TLL1: variants seen among roughly 807,000 people sequenced by gnomAD.
TLL1 encodes the protein tolloid-like protein 1.
In TLL1, 49 loss-of-function variants were observed where a neutral mutation model predicts 128.2. That is an observed-to-expected ratio of 0.38 (90% confidence interval 0.30 to 0.48). The LOEUF is 0.48. Ranked by LOEUF, TLL1 falls within the 20% of genes least tolerant of loss-of-function variation. TLL1 has a pLI of 0.96. For synonymous variants in TLL1, 454 were observed against 418.8 expected (o/e 1.08, Z -1.03); for missense variants, 1,123 against 1,242.0 (o/e 0.90, Z 1.44).
chr4:166,048,159 C>T (rs1739544445), intron 12 of TLL1, among the ~76,000 whole-genome samples: 2 of 150,176 alleles, frequency 1.3e-5, no homozygotes, highest in African/African-American at 4.9e-5. Flanking sequence ...TCGCTTGAAC[C>T]TGGGAGGCAG....
At chr4:166,084,100 T>A (rs1226412643) in intron 18 of TLL1, among the ~76,000 whole-genome samples, 1 of 152,176 alleles carries the variant, frequency 6.6e-6, no homozygotes, top group Non-Finnish European at 1.5e-5. Context: ...TGGGGTGATA[T>A]CTCATTTTGG....
intron 9 of TLL1, among the ~76,000 whole-genome samples, chr4:166,039,106 C>T (rs1739129607): frequency 6.6e-6 from 1 of 151,942 alleles, no homozygotes; most frequent in Non-Finnish European, 1.5e-5. Flanking sequence ...CTAGTTTGTT[C>T]AACTACTCAT....
chr4:165,901,333 G>A (rs754711809), intron 1 of TLL1, among the ~76,000 whole-genome samples: 4 of 151,980 alleles, frequency 2.6e-5, no homozygotes, highest in Non-Finnish European at 4.4e-5. Flanking sequence ...TCTTGTTTTG[G>A]GAATTTTCAA....
intron 15 of TLL1, among the ~76,000 whole-genome samples, chr4:166,064,203 A>AG (rs1740472643): frequency 1.3e-5 from 2 of 151,960 alleles, no homozygotes. Flanking sequence ...ATTTTTAGAG[A>AG]GGTTTTTCTT....
chr4:165,931,721 A>AAAAAAAAAAAAAAAAG, intron 1 of TLL1, among the ~76,000 whole-genome samples: 1 of 151,652 alleles, frequency 6.6e-6, no homozygotes, highest in Admixed American at 6.6e-5. Context: ...TCTGTCTCAA[A>AAAAAAAAAAAAAAAAG]AGAAAAAAAA....
At chr4:165,938,956 C>T (rs180763857) in intron 1 of TLL1, among the ~76,000 whole-genome samples, 3 of 151,902 alleles carry the variant, frequency 2.0e-5, no homozygotes, top group East Asian at 1.9e-4. Context: ...ATTATGATTT[C>T]CTGGAAGATT....
At chr4:165,925,857 A>G (rs1204802758) in intron 1 of TLL1, among the ~76,000 whole-genome samples, 2 of 152,242 alleles carry the variant, frequency 1.3e-5, no homozygotes, top group South Asian at 2.1e-4. Flanking sequence ...ACACTGATGC[A>G]GGACCCTCCA....
intron 12 of TLL1, among the ~76,000 whole-genome samples, chr4:166,049,816 T>A (rs1426061397): frequency 6.6e-6 from 1 of 151,792 alleles, no homozygotes; most frequent in African/African-American, 2.4e-5. Flanking sequence ...ATTATAAAAA[T>A]TATTTTTAAT....
intron 1 of TLL1, among the ~76,000 whole-genome samples, chr4:165,895,250 C>G (rs1049377782): frequency 6.6e-6 from 1 of 152,056 alleles, no homozygotes; most frequent in African/African-American, 2.4e-5. Flanking sequence ...ATGTGGAAAT[C>G]CAATGGAATT....
At chr4:165,890,621 A>C (rs999962311) in intron 1 of TLL1, among the ~76,000 whole-genome samples, 9 of 152,228 alleles carry the variant, frequency 5.9e-5, no homozygotes, top group Non-Finnish European at 1.2e-4. Flanking sequence ...CCTGTCTCAC[A>C]TCCAAATCAC....
At position 166,077,775 on chromosome 4, in the gene TLL1, C is replaced by T. The variant is rs544957101; in HGVS notation, c.2315-128C>T. On this transcript the variant is annotated intron_variant, in intron 17 of 20. Transcript: ENST00000061240. ...GAGCAGATGAATATAATAACCGACA[C>T]GGGAGTGAAAATTAGCTGGTATTCA... is the stretch of plus-strand genomic sequence containing the variant. 59 of 1,240,274 alleles carry T rather than the reference C, an allele frequency of 4.8e-5. No homozygotes were observed. The African/African-American group carries it at 5.2e-4, about 11-fold the overall frequency. 76.8% of individuals were successfully genotyped at this position (1,240,274 alleles called of 1,614,324 possible).
chr4:166,076,243 C>T (rs1579712178), intron 17 of TLL1, among the ~76,000 whole-genome samples: 1 of 151,912 alleles, frequency 6.6e-6, no homozygotes, highest in Non-Finnish European at 1.5e-5. Flanking sequence ...TGGCTAATTT[C>T]TGTATTTTTT....
chr4:165,894,411 T>C (rs74598180), intron 1 of TLL1, among the ~76,000 whole-genome samples: 4,296 of 152,252 alleles, frequency 0.028, 182 homozygotes, highest in African/African-American at 0.097. Context: ...AACTGGTACT[T>C]AACGGAGTAA....
intron 9 of TLL1, among the ~76,000 whole-genome samples, chr4:166,032,662 T>C (rs1247721447): frequency 1.3e-5 from 2 of 152,168 alleles, no homozygotes; most frequent in African/African-American, 4.8e-5. Context: ...CTACTTCATA[T>C]TGCATAGTTT....
At chr4:165,976,947 TAG>T (rs1231317579) in intron 1 of TLL1, among the ~76,000 whole-genome samples, 1 of 152,116 alleles carries the variant, frequency 6.6e-6, no homozygotes, top group East Asian at 1.9e-4. Flanking sequence ...CATCTATAGT[TAG>T]TGTTAGCGTA....
intron 1 of TLL1, among the ~76,000 whole-genome samples, chr4:165,979,173 A>G (rs1736025103): frequency 6.6e-6 from 1 of 152,140 alleles, no homozygotes; most frequent in African/African-American, 2.4e-5. Flanking sequence ...CCTATGACCC[A>G]CTGATTGACT....
intron 1 of TLL1, among the ~76,000 whole-genome samples, chr4:165,948,587 A>G (rs1161373338): frequency 6.6e-6 from 1 of 152,160 alleles, no homozygotes; most frequent in African/African-American, 2.4e-5. Flanking sequence ...CTGCAGAGTC[A>G]CAGGCAGTGC....
At chr4:165,902,336 C>T (rs1040541739) in intron 1 of TLL1, among the ~76,000 whole-genome samples, 2 of 152,146 alleles carry the variant, frequency 1.3e-5, no homozygotes, top group Admixed American at 1.3e-4. Context: ...AAACAAAAAA[C>T]CTCCTGCAGC....
intron 1 of TLL1, among the ~76,000 whole-genome samples, chr4:165,935,198 CTTGT>C (rs961401415): frequency 3.3e-5 from 5 of 152,206 alleles, no homozygotes; most frequent in African/African-American, 1.2e-4. Flanking sequence ...AAAATTTAGA[CTTGT>C]TTAAGATCAG....
Sources: gnomAD v4.1 joint callset for allele counts (sites outside exome capture counted in the v4.1 genomes callset) on GRCh38, gnomAD v4.1.1 for gene constraint, MANE v1.5 for transcripts, NCBI Gene and HGNC (gene_info 2026-07-23, HGNC 2026-07-21) for gene names.